ABLIM1: variants seen among roughly 807,000 people sequenced by gnomAD.
ABLIM1 encodes the protein actin binding LIM protein 1, also known as actin-binding LIM protein 1.
ABLIM1 carries 40 observed loss-of-function variants against 107.0 expected under a neutral mutation model. The observed-to-expected ratio is 0.37, with a 90% CI of 0.29 to 0.49. The LOEUF (loss-of-function observed/expected upper bound fraction) is 0.49, where lower values mean the gene tolerates loss of function less well. Ranked by LOEUF, ABLIM1 falls within the 20% of genes least tolerant of loss-of-function variation. The probability of loss-of-function intolerance (pLI) is 0.97; values close to 1 mark genes in which losing one functional copy is unlikely to be tolerated. For missense variants in ABLIM1, 857 were observed against 1,008.5 expected (o/e 0.85, Z 2.04); for synonymous variants, 357 against 357.3 (o/e 1.00, Z 0.01).
At chr10:114,617,957 G>A (rs1484260843) in intron 1 of ABLIM1, among the ~76,000 whole-genome samples, 2 of 152,156 alleles carry the variant, frequency 1.3e-5, no homozygotes, top group East Asian at 3.9e-4. Context: ...CTATAAGAAA[G>A]AAAAAGTTTA....
intron 1 of ABLIM1, among the ~76,000 whole-genome samples, chr10:114,697,407 C>G (rs34084269): frequency 6.6e-6 from 1 of 152,342 alleles, no homozygotes; most frequent in Admixed American, 6.5e-5. Flanking sequence ...GGAGCTGGCA[C>G]GCGGTTTTCG....
rs995846875 is a variant in ABLIM1, at chr10:114,707,698, G to A, written c.-213+60363C>T. Reference sequence around the variant, plus strand: ...GCGGATCACTTAAGGCCAGGAGTTCGAGACCAACCTGGACAACATGGTGAA... The same window carrying A: ...GCGGATCACTTAAGGCCAGGAGTTCAAGACCAACCTGGACAACATGGTGAA... On this transcript the variant is annotated intron_variant, in intron 1 of 15. Coordinates refer to the ABLIM1 transcript ENST00000651092. The surrounding 1 kb of genome is among the most constrained non-coding windows in gnomAD (Gnocchi z 4.1). 6.6e-6 allele frequency among the ~76,000 whole-genome samples: 1 copy of A among 152,028 alleles called. No homozygotes were observed. The highest frequency in any genetic ancestry group is 1.5e-5 in the Non-Finnish European group (1 of 68,026).
intron 6 of ABLIM1, among the ~76,000 whole-genome samples, chr10:114,535,495 G>A (rs1174886486): frequency 1.3e-5 from 2 of 152,150 alleles, no homozygotes; most frequent in East Asian, 3.9e-4. Context: ...ACTTTTAGTA[G>A]AGATGGGGTT....
At chr10:114,704,126 G>A (rs749764459) in intron 1 of ABLIM1, among the ~76,000 whole-genome samples, 3 of 151,660 alleles carry the variant, frequency 2.0e-5, no homozygotes, top group Non-Finnish European at 4.4e-5. Flanking sequence ...AACATGGAGT[G>A]ACTTTTGAAT....
At chr10:114,736,830 G>A (rs1231382331) in intron 1 of ABLIM1, among the ~76,000 whole-genome samples, 4 of 152,106 alleles carry the variant, frequency 2.6e-5, no homozygotes, top group Non-Finnish European at 4.4e-5. Context: ...TCTGTGGGGC[G>A]GTGGCAGTTA....
chr10:114,483,287 T>G (rs2057665879), intron 8 of ABLIM1, among the ~76,000 whole-genome samples: 2 of 152,176 alleles, frequency 1.3e-5, no homozygotes, highest in African/African-American at 4.8e-5. Flanking sequence ...TGGTTTTTTT[T>G]TGAGACAGGG....
Position 114,646,718 on chromosome 10 carries a change from C to T in ABLIM1, c.244+11239G>A, listed in dbSNP as rs1042208517. On this transcript the variant is annotated intron_variant, in intron 1 of 22. Transcript: ENST00000533213. ...GTTACAGGAGGTTGGCTGGGCTCAA[C>T]ATCTTTTCAGCAGCTGCTGCCACAT... is the stretch of plus-strand genomic sequence containing the variant. Among the ~76,000 whole-genome samples the T allele has an allele frequency of 2.6e-5, 4 of 152,300 alleles. No individual in the cohort carries two copies. In the South Asian group the frequency reaches 8.3e-4, roughly 32 times the overall value.
intron 2 of ABLIM1, among the ~76,000 whole-genome samples, chr10:114,581,366 G>T (rs575983504): frequency 1.3e-5 from 2 of 152,150 alleles, no homozygotes; most frequent in Non-Finnish European, 2.9e-5. Context: ...AACATTTTAT[G>T]TTCCAACAAA....
Position 114,668,041 on chromosome 10 carries a change from G to C in ABLIM1, c.64+16249C>G, listed in dbSNP as rs568799486. 2.6e-4 allele frequency among the ~76,000 whole-genome samples: 40 copies of C among 151,808 alleles called. No homozygotes were observed. In the South Asian group the frequency reaches 7.9e-3, roughly 30 times the overall value. On this transcript the variant is annotated intron_variant, in intron 1 of 23. Transcript: ENST00000369256. ...TGACTGGGAGGGGGTGTGGTTGGGG[G>C]GTCCTTCGAGGTAGGCAGTACTAGG...
chr10:114,684,949 CA>C (rs2080893553), exon 1 of ABLIM1: 1 of 159,150 alleles, frequency 6.3e-6, no homozygotes, highest in Non-Finnish European at 1.3e-5. Context: ...CTTTTACTAA[CA>C]GCCTGATTAT....
intron 1 of ABLIM1, among the ~76,000 whole-genome samples, chr10:114,634,145 T>TTTTTTTC: frequency 8.9e-6 from 1 of 112,014 alleles, no homozygotes; most frequent in African/African-American, 3.5e-5. Flanking sequence ...TTTTTTTTTT[T>TTTTTTTC]TTTTTGAGAC....
rs2076061118 is a variant in ABLIM1 at position 114,602,151 on chromosome 10, C to A, written c.245-190G>T. 2.0e-5 allele frequency among the ~76,000 whole-genome samples: 3 copies of A among 152,256 alleles called. No individual in the cohort carries two copies. In the South Asian group the frequency reaches 6.2e-4, roughly 32 times the overall value. On this transcript the variant is annotated intron_variant, in intron 1 of 22. Coordinates refer to ENST00000533213, the MANE Select transcript of ABLIM1 (RefSeq NM_002313.7). Reference sequence around the variant, plus strand: ...ATAAGACAGTTGTGGCTTTGACAGTCCCGGGGGGAAAACACCAGGCGTGTT... The same window carrying A: ...ATAAGACAGTTGTGGCTTTGACAGTACCGGGGGGAAAACACCAGGCGTGTT...
At chr10:114,591,508 G>A (rs2074865588) in intron 2 of ABLIM1, among the ~76,000 whole-genome samples, 1 of 152,042 alleles carries the variant, frequency 6.6e-6, no homozygotes, top group South Asian at 2.1e-4. Flanking sequence ...GGGCCTGAAA[G>A]CTGTTCTATC....
At position 114,453,461 on chromosome 10, in the gene ABLIM1, C is replaced by G; in HGVS notation, c.1464G>C (p.Arg488=). 6.2e-7 allele frequency: 1 copy of G among 1,606,578 alleles called. No individual in the cohort carries two copies. The highest frequency in any genetic ancestry group is 8.5e-7 in the Non-Finnish European group (1 of 1,175,040). ...HRPGNEPSSG[R]NSPLPYRPDS... ...CTGGCCGGTAAGGGAGAGGGGAGTT[C>G]CGGCCGCTGGACGGCTCATTGCCTC... is the stretch of plus-strand genomic sequence containing the variant. The change falls in exon 13 of 23, where the codon CGG becomes CGC. Residue 488 remains arginine, a synonymous_variant. Coordinates refer to ENST00000533213, the MANE Select transcript of ABLIM1 (RefSeq NM_002313.7).
chr10:114,687,330 G>A (rs184191165), upstream of ABLIM1, among the ~76,000 whole-genome samples: 166 of 152,316 alleles, frequency 1.1e-3, no homozygotes, highest in South Asian at 4.4e-3. Flanking sequence ...TGAGGAAGGA[G>A]AGGGCTAGAA....
intron 1 of ABLIM1, among the ~76,000 whole-genome samples, chr10:114,640,527 A>T (rs2078694092): frequency 6.7e-6 from 1 of 149,328 alleles, no homozygotes; most frequent in South Asian, 2.2e-4. Flanking sequence ...ACACCATCTC[A>T]AAACAAACAA....
intron 1 of ABLIM1, among the ~76,000 whole-genome samples, chr10:114,611,224 T>G (rs1418310473): frequency 6.6e-6 from 1 of 152,068 alleles, no homozygotes; most frequent in Non-Finnish European, 1.5e-5. Context: ...CCCAACATTT[T>G]GGGAGGCCAA....
At chr10:114,598,274 C>CA (rs58133284) in intron 2 of ABLIM1, among the ~76,000 whole-genome samples, 19,189 of 63,686 alleles carry the variant, frequency 0.3, 3,428 homozygotes, top group African/African-American at 0.45. Context: ...AACTCCATCT[C>CA]AAAAAAAAAA....
intron 4 of ABLIM1, among the ~76,000 whole-genome samples, chr10:114,565,444 T>C (rs865952278): frequency 2.0e-5 from 3 of 152,218 alleles, no homozygotes; most frequent in Admixed American, 6.5e-5. Context: ...TATAAGTACA[T>C]AGCATTTTAT....
Sources: allele counts gnomAD v4.1 joint callset (sites outside exome capture counted in the v4.1 genomes callset), GRCh38; gene constraint gnomAD v4.1.1; non-coding constraint Gnocchi (gnomAD v3.1); transcripts MANE v1.5; gene names NCBI Gene and HGNC (gene_info 2026-07-23, HGNC 2026-07-21).